Variants in POU3F3 observed in about 807,000 individuals in gnomAD.
The protein encoded by POU3F3 is POU domain, class 3, transcription factor 3.
In POU3F3, 1 loss-of-function variant was observed where a neutral mutation model predicts 8.6. That is an observed-to-expected ratio of 0.12 (90% CI 0.04 to 0.55). POU3F3 has a LOEUF of 0.55. Among genes scored for constraint, POU3F3 ranks in the 20% least tolerant of loss-of-function variants. The pLI, the probability that POU3F3 is intolerant of heterozygous loss-of-function variation, is 0.91. For synonymous variants in POU3F3, 418 were observed against 327.4 expected, an observed-to-expected ratio of 1.28 and a Z score of -2.99; for missense variants, 577 against 690.7, an observed-to-expected ratio of 0.84 and a Z score of 1.84.
the POU3F3 span, among the ~76,000 whole-genome samples, chr2:104,905,230 C>A: frequency 1.3e-5 from 2 of 152,080 alleles, no homozygotes; most frequent in African/African-American, 4.8e-5. Flanking sequence ...ACTTTTACTA[C>A]CTATTTTCCT....
chr2:104,881,121 A>ACTTACTTT, the POU3F3 span, among the ~76,000 whole-genome samples: 1 of 142,064 alleles, frequency 7.0e-6, no homozygotes, highest in Non-Finnish European at 1.5e-5. Context: ...TTTATTTCTT[A>ACTTACTTT]CTTTCTTTCT....
At chr2:104,903,931 C>A in the POU3F3 span, among the ~76,000 whole-genome samples, 1 of 152,164 alleles carries the variant, frequency 6.6e-6, no homozygotes, top group Non-Finnish European at 1.5e-5. Context: ...AGTTCCTTTC[C>A]TTGCTCAAGG....
the POU3F3 span, among the ~76,000 whole-genome samples, chr2:104,921,440 A>G: frequency 3.9e-5 from 6 of 152,164 alleles, no homozygotes; most frequent in Admixed American, 2.6e-4. Flanking sequence ...CCTGGGGGAA[A>G]GCTTGGACAG....
chr2:104,880,980 A>G, the POU3F3 span, among the ~76,000 whole-genome samples: 119 of 152,358 alleles, frequency 7.8e-4, 1 homozygote, highest in African/African-American at 2.7e-3. Context: ...CAGTGTATCA[A>G]AAATAACTTA....
At chr2:104,904,483 G>C in the POU3F3 span, among the ~76,000 whole-genome samples, 14 of 152,230 alleles carry the variant, frequency 9.2e-5, no homozygotes, top group Non-Finnish European at 1.9e-4. Flanking sequence ...AGTATATACT[G>C]CAAAGGGCAA....
chr2:104,857,170 C>A lies in POU3F3; in HGVS notation c.*157C>A. 1.3e-6 allele frequency: 1 copy of A among 787,964 alleles called. No homozygotes were observed. The highest frequency in any genetic ancestry group is 1.5e-6 in the Non-Finnish European group (1 of 649,698). 48.8% of individuals were successfully genotyped at this position (787,964 alleles called of 1,614,324 possible). A position where few individuals can be genotyped will look rare whatever the true frequency, so the allele number is the denominator to read the frequency against. ...GGCCGCTCCGGGCTCCAGCCCAGGC[C>A]CATCCGCCGCCCTCCCCTCCACCCA... On this transcript the variant is annotated 3_prime_UTR_variant, in exon 1 of 1. Coordinates refer to ENST00000361360, the MANE Select transcript of POU3F3 (RefSeq NM_006236.3).
the POU3F3 span, among the ~76,000 whole-genome samples, chr2:104,914,586 A>G: frequency 6.6e-6 from 1 of 152,210 alleles, no homozygotes; most frequent in Admixed American, 6.5e-5. Context: ...AGTAGCCAAG[A>G]TCCCAGATGG....
chr2:104,901,141 G>A, the POU3F3 span, among the ~76,000 whole-genome samples: 1 of 152,198 alleles, frequency 6.6e-6, no homozygotes, highest in Non-Finnish European at 1.5e-5. Context: ...AAATGAGACA[G>A]CAAGGACACT....
chr2:104,864,260 C>CT, the POU3F3 span, among the ~76,000 whole-genome samples: 1 of 152,238 alleles, frequency 6.6e-6, no homozygotes, highest in Admixed American at 6.5e-5. Context: ...AAGCTGCAGA[C>CT]GGAGGCCGTG....
At chr2:104,905,392 C>T in the POU3F3 span, among the ~76,000 whole-genome samples, 2 of 152,284 alleles carry the variant, frequency 1.3e-5, no homozygotes, top group Non-Finnish European at 2.9e-5. Context: ...GGGTTAACTA[C>T]TATAACTGTC....
chr2:104,892,470 T>A, the POU3F3 span, among the ~76,000 whole-genome samples: 1 of 152,028 alleles, frequency 6.6e-6, no homozygotes, highest in Non-Finnish European at 1.5e-5. Flanking sequence ...CTTATGTATG[T>A]ATTTATTTAT....
chr2:104,881,251 G>T, the POU3F3 span, among the ~76,000 whole-genome samples: 1 of 151,788 alleles, frequency 6.6e-6, no homozygotes, highest in East Asian at 1.9e-4. Context: ...TTGAACTCCT[G>T]TGCTCAAGCA....
chr2:104,868,111 T>A, the POU3F3 span: 1,605 of 366,720 alleles, frequency 4.4e-3, 20 homozygotes, highest in Non-Finnish European at 3.5e-3. Context: ...TAGGAAAAAG[T>A]AAGAAAAAAA....
downstream of POU3F3, among the ~76,000 whole-genome samples, chr2:104,859,440 C>T (rs775086404): frequency 1.1e-4 from 16 of 152,062 alleles, no homozygotes; most frequent in Non-Finnish European, 2.1e-4. Context: ...TAGTTGAGTC[C>T]CTATATATTG....
chr2:104,890,260 G>A, the POU3F3 span, among the ~76,000 whole-genome samples: 9 of 152,180 alleles, frequency 5.9e-5, no homozygotes, highest in Admixed American at 3.9e-4. Context: ...TCTGTGAGGT[G>A]CAGAGCCTGT....
the POU3F3 span, among the ~76,000 whole-genome samples, chr2:104,885,704 A>G: frequency 1.3e-5 from 2 of 151,964 alleles, no homozygotes; most frequent in Non-Finnish European, 2.9e-5. Context: ...TGAATGATCC[A>G]CCCCTTGTTT....
At chr2:104,902,857 C>A in the POU3F3 span, among the ~76,000 whole-genome samples, 1 of 152,272 alleles carries the variant, frequency 6.6e-6, no homozygotes, top group East Asian at 1.9e-4. Flanking sequence ...CTATTCACCA[C>A]ACTGAGACAG....
At chr2:104,900,850 G>A in the POU3F3 span, among the ~76,000 whole-genome samples, 1 of 152,188 alleles carries the variant, frequency 6.6e-6, no homozygotes, top group Non-Finnish European at 1.5e-5. Flanking sequence ...GTGAATGAGA[G>A]CAGTATATTC....
the POU3F3 span, among the ~76,000 whole-genome samples, chr2:104,909,251 T>C: frequency 9.8e-5 from 15 of 152,314 alleles, no homozygotes; most frequent in Middle Eastern, 3.4e-3. Context: ...GTCTCTGCCT[T>C]TCACCTGAGA....
Sources: gnomAD v4.1 joint callset for allele counts (sites outside exome capture counted in the v4.1 genomes callset) on GRCh38, gnomAD v4.1.1 for gene constraint, MANE v1.5 for transcripts, NCBI Gene and HGNC (gene_info 2026-07-23, HGNC 2026-07-21) for gene names.